Variants in PSMD7 observed in about 807,000 individuals in gnomAD.
PSMD7 encodes the protein 26S proteasome non-ATPase regulatory subunit 7.
In PSMD7, 13 loss-of-function variants were observed where a neutral mutation model predicts 36.4. That is an observed-to-expected ratio of 0.36 (90% CI 0.23 to 0.57). PSMD7 has a LOEUF of 0.57. PSMD7 is among the 20% of genes least tolerant of loss of function. The pLI is 0.83. For missense variants in PSMD7, 298 were observed against 393.6 expected, an observed-to-expected ratio of 0.76 and a Z score of 2.06; for synonymous variants, 186 against 151.0, an observed-to-expected ratio of 1.23 and a Z score of -1.70.
intron 1 of PSMD7, among the ~76,000 whole-genome samples, chr16:74,297,844 C>G (rs1174825315): frequency 2.0e-5 from 3 of 152,088 alleles, no homozygotes; most frequent in Admixed American, 2.0e-4. Flanking sequence ...TTCATTTGAC[C>G]GAGTTCCTGT....
intron 5 of PSMD7, among the ~76,000 whole-genome samples, chr16:74,303,832 G>A (rs768370437): frequency 1.3e-5 from 2 of 151,304 alleles, no homozygotes; most frequent in African/African-American, 2.4e-5. Context: ...AGTGATTCTC[G>A]TTCCTCAGCC....
chr16:74,297,139 T>C (rs2142560144), intron 1 of PSMD7, 151 bp downstream of exon 1: 2 of 820,096 alleles, frequency 2.4e-6, no homozygotes, highest in South Asian at 1.7e-5. Context: ...CAGCGTCGGC[T>C]CACGATGCCG....
At position 74,300,663 on chromosome 16, in the gene PSMD7, G is replaced by C. The variant is rs145277545; in HGVS notation, c.167-389G>C. ...TGATTAAAGGAACAACAATAAAGAA[G>C]ATGATACTGGATGACCTCTGGAGTA... On this transcript the variant is annotated intron_variant, in intron 2 of 6. Coordinates refer to ENST00000219313, the MANE Select transcript of PSMD7 (RefSeq NM_002811.5). Among the ~76,000 whole-genome samples, 88 of 152,338 alleles carry C rather than the reference G, an allele frequency of 5.8e-4. No individual in the cohort carries two copies. In the Middle Eastern group the frequency reaches 0.017, roughly 29 times the overall value.
chr16:74,297,138 C>G, intron 1 of PSMD7, 150 bp downstream of exon 1: 1 of 818,908 alleles, frequency 1.2e-6, no homozygotes, highest in South Asian at 1.7e-5. Flanking sequence ...CCAGCGTCGG[C>G]TCACGATGCC....
At chr16:74,297,876 C>T (rs1463368549) in intron 1 of PSMD7, among the ~76,000 whole-genome samples, 5 of 152,116 alleles carry the variant, frequency 3.3e-5, no homozygotes, top group African/African-American at 1.2e-4. Flanking sequence ...GGATGATGCT[C>T]AGCACCCCGA....
At chr16:74,297,086 A>G (rs997231930) in intron 1 of PSMD7, 98 bp downstream of exon 1, 50 of 1,306,588 alleles carry the variant, frequency 3.8e-5, no homozygotes, top group Non-Finnish European at 4.8e-5. Flanking sequence ...CTGGGGACGC[A>G]GATAGGGCGG....
intron 2 of PSMD7, among the ~76,000 whole-genome samples, chr16:74,300,641 T>G (rs541479844): frequency 6.6e-6 from 1 of 152,170 alleles, no homozygotes; most frequent in South Asian, 2.1e-4. Context: ...ACTTTAATGA[T>G]TAAAGGAACA....
intron 1 of PSMD7, among the ~76,000 whole-genome samples, chr16:74,297,295 G>T (rs1418316539): frequency 1.3e-5 from 2 of 152,232 alleles, no homozygotes; most frequent in Non-Finnish European, 2.9e-5. Context: ...GATGATGCTG[G>T]GGGTCGGGAG....
Position 74,301,613 on chromosome 16 carries a change from T to C in PSMD7, c.318T>C (p.Ile106=). 4 of 1,613,608 alleles carry C rather than the reference T, an allele frequency of 2.5e-6. No homozygotes were observed. The highest frequency in any genetic ancestry group is 3.4e-6 in the Non-Finnish European group (4 of 1,179,590). The change falls in exon 4 of 7, where the codon ATT becomes ATC. Residue 106 remains isoleucine (I), a synonymous_variant. Transcript: ENST00000219313. The part of the protein sequence containing the change: ...HTGPKLHKND[I]AINELMKRYC... ...GCCCTAAACTACACAAGAATGACATTGCCATCAACGAACTCATGAAAAGAT... is the reference window on the plus strand; with the variant it reads ...GCCCTAAACTACACAAGAATGACATCGCCATCAACGAACTCATGAAAAGAT...
At chr16:74,299,478 C>T in intron 1 of PSMD7, 1 of 425,750 alleles carries the variant, frequency 2.3e-6, no homozygotes. Flanking sequence ...CTTCTGAGCT[C>T]AAGTAGTCCC....
At chr16:74,301,681 G>T in intron 4 of PSMD7, 29 bp downstream of exon 4, 1 of 1,576,952 alleles carries the variant, frequency 6.3e-7, no homozygotes, top group South Asian at 1.1e-5. Flanking sequence ...TAAAACTCTT[G>T]AATGATTTTT....
At position 74,301,645 on chromosome 16, in the gene PSMD7, C is replaced by T. The variant is rs2034155982; in HGVS notation, c.350C>T (p.Pro117Leu). The change falls in exon 4 of 7, where the codon CCT (proline) becomes CTT (leucine). Residue 117 changes from proline to leucine, a missense_variant. By Grantham distance (98) the Pro-to-Leu change is moderately conservative. Transcript: ENST00000219313. ...AINELMKRYC[P>L]NSVLVIIDVK... ...AACGAACTCATGAAAAGATACTGTC[C>T]TAATTCCGTAAGTGGTGTCTATTTT... 1 of 1,609,256 alleles carries T rather than the reference C, an allele frequency of 6.2e-7. No homozygotes were observed. Among genetic ancestry groups the T allele is most frequent in the Non-Finnish European group, 8.5e-7 (1 of 1,175,848 alleles).
intron 5 of PSMD7, among the ~76,000 whole-genome samples, chr16:74,303,421 C>T (rs1198743673): frequency 2.6e-5 from 4 of 152,188 alleles, no homozygotes; most frequent in Non-Finnish European, 5.9e-5. Context: ...TGCTGTCCTT[C>T]CTCCCTTACA....
intron 1 of PSMD7, among the ~76,000 whole-genome samples, chr16:74,297,971 G>A (rs1468303772): frequency 1.3e-5 from 2 of 151,934 alleles, no homozygotes; most frequent in Admixed American, 6.6e-5. Context: ...AAAAAAAAAT[G>A]TATATATAGA....
chr16:74,304,221 C>T (rs2034178232), intron 5 of PSMD7, 82 bp from the exon 6 acceptor site: 1 of 1,272,876 alleles, frequency 7.9e-7, no homozygotes. Context: ...TGACTTAAAG[C>T]AAAAGACTCA....
At chr16:74,299,689 C>T (rs1343648261) in intron 1 of PSMD7, 7 of 369,926 alleles carry the variant, frequency 1.9e-5, no homozygotes, top group East Asian at 1.6e-4. Flanking sequence ...CCACTGCATC[C>T]GGCCTACTCC....
intron 1 of PSMD7, chr16:74,299,577 G>T (rs2034139934): frequency 2.2e-6 from 1 of 454,910 alleles, no homozygotes; most frequent in Non-Finnish European, 4.4e-6. Flanking sequence ...TGTAGACAGG[G>T]TTTCGCCATG....
chr16:74,297,013 C>T (rs763316623), intron 1 of PSMD7, 25 bp downstream of exon 1: 1 of 1,603,794 alleles, frequency 6.2e-7, no homozygotes, highest in Non-Finnish European at 8.5e-7. Flanking sequence ...TATAGCTGGG[C>T]CGGCGGCGCA....
chr16:74,303,348 T>C (rs1313620366), intron 5 of PSMD7, among the ~76,000 whole-genome samples: 5 of 152,240 alleles, frequency 3.3e-5, no homozygotes, highest in Non-Finnish European at 5.9e-5. Flanking sequence ...GCCTATTACA[T>C]ACATGGCAGA....
Sources: allele counts gnomAD v4.1 joint callset (sites outside exome capture counted in the v4.1 genomes callset), GRCh38; gene constraint gnomAD v4.1.1; transcripts MANE v1.5; gene names NCBI Gene and HGNC (gene_info 2026-07-23, HGNC 2026-07-21).